Variants in SNTG1 observed in about 807,000 individuals in gnomAD.
SNTG1 encodes gamma-1-syntrophin.
A neutral mutation model predicts 74.7 loss-of-function variants in SNTG1; 39 were observed. That is an observed-to-expected ratio of 0.52 (90% CI 0.40 to 0.68). The LOEUF (loss-of-function observed/expected upper bound fraction) is 0.68. SNTG1 is among the 30% of genes least tolerant of loss of function. The probability of loss-of-function intolerance (pLI) is 0.00; values close to 1 mark genes in which losing one functional copy is unlikely to be tolerated. For synonymous variants in SNTG1, 254 were observed against 217.1 expected, an observed-to-expected ratio of 1.17 and a Z score of -1.49; for missense variants, 685 against 609.5, an observed-to-expected ratio of 1.12 and a Z score of -1.30.
chr8:50,040,690 G>A (rs559211239), intron 1 of SNTG1, among the ~76,000 whole-genome samples: 5 of 152,230 alleles, frequency 3.3e-5, no homozygotes, highest in African/African-American at 9.6e-5. Context: ...AAAGAAAGAC[G>A]TTATGTGAAC....
intron 1 of SNTG1, among the ~76,000 whole-genome samples, chr8:49,982,468 A>T (rs1205049813): frequency 1.3e-5 from 2 of 152,096 alleles, no homozygotes; most frequent in Non-Finnish European, 2.9e-5. Context: ...AACTATATAT[A>T]TTCATTATAT....
chr8:50,532,157 T>G (rs1488041642), intron 10 of SNTG1, among the ~76,000 whole-genome samples: 1 of 152,174 alleles, frequency 6.6e-6, no homozygotes, highest in Non-Finnish European at 1.5e-5. Flanking sequence ...GGATTGAACA[T>G]TCTTTTGACA....
intron 2 of SNTG1, among the ~76,000 whole-genome samples, chr8:50,268,738 C>A (rs1389309354): frequency 6.6e-6 from 1 of 151,882 alleles, no homozygotes; most frequent in Non-Finnish European, 1.5e-5. Flanking sequence ...TTCACTACGA[C>A]CTCCGCCTCC....
chr8:50,011,758 A>G lies in SNTG1; in HGVS notation c.-103+99527A>G, dbSNP rs754376122. On this transcript the variant is annotated intron_variant, in intron 1 of 18. Coordinates refer to ENST00000642720, the MANE Select transcript of SNTG1 (RefSeq NM_018967.5). ...GGGGAGGAATATATTTTGTTAAACC[A>G]TCCTTTATTTCTCATAGTGAACACT... The G allele has an allele frequency of 3.3e-5, 5 of 152,312 alleles. No individual in the cohort carries two copies. The East Asian group carries it at 9.6e-4, about 29-fold the overall frequency. The allele number at this position is 152,312 out of a possible 1,614,324, so 9.4% of individuals were successfully genotyped here. A position where few individuals can be genotyped will look rare whatever the true frequency, so the allele number is the denominator to read the frequency against.
chr8:50,586,172 A>G (rs1054247132), intron 12 of SNTG1, among the ~76,000 whole-genome samples: 1 of 152,202 alleles, frequency 6.6e-6, no homozygotes, highest in African/African-American at 2.4e-5. Context: ...TTTGCTCAGC[A>G]TTCTTTAAAA....
intron 15 of SNTG1, among the ~76,000 whole-genome samples, chr8:50,692,756 A>G (rs897590669): frequency 2.6e-5 from 4 of 152,142 alleles, no homozygotes; most frequent in Non-Finnish European, 5.9e-5. Context: ...ATTCTGGGAG[A>G]ACAACTACTC....
intron 1 of SNTG1, among the ~76,000 whole-genome samples, chr8:50,161,654 T>C (rs1001109954): frequency 3.3e-5 from 5 of 152,012 alleles, no homozygotes; most frequent in Non-Finnish European, 5.9e-5. Context: ...GGCCTAGAGA[T>C]AGAATCAGTG....
intron 2 of SNTG1, among the ~76,000 whole-genome samples, chr8:50,266,684 G>GTATATATATATATA (rs1554623724): frequency 1.5e-5 from 2 of 136,812 alleles, no homozygotes; most frequent in Admixed American, 7.3e-5. Flanking sequence ...GTGTGTGTGT[G>GTATATATATATATA]TATATATATA....
In SNTG1 at chr8:50,122,809, TCTC is replaced by T. The variant is rs1208219816; in HGVS notation, c.-102-49748_-102-49746del. ...CCAGCTAAAATACCCTAACAGTAGT[TCTC>T]CTCATAGAAAACCAAATTGTATGAG... On this transcript the variant is annotated intron_variant, in intron 1 of 18. Transcript: ENST00000642720. 2.1e-5 allele frequency among the ~76,000 whole-genome samples: 3 copies of T among 141,522 alleles called. 1 individual carries two copies. The highest frequency in any genetic ancestry group is 5.1e-5 in the African/African-American group (2 of 39,104). 92.8% of individuals were successfully genotyped at this position (141,522 alleles called of 152,430 possible).
At position 50,792,936 on chromosome 8, in the gene SNTG1, G is replaced by A. The variant is rs1043434764; in HGVS notation, c.*107G>A. ...ATAACATCACCAAGTCGACAGTGGA[G>A]GCAAATCAAAATTTCGGCAGAAAAA... On this transcript the variant is annotated 3_prime_UTR_variant, in exon 19 of 19. Coordinates refer to ENST00000642720, the MANE Select transcript of SNTG1 (RefSeq NM_018967.5). The A allele has an allele frequency of 3.1e-6, 4 of 1,290,872 alleles. No individual in the cohort carries two copies. Among genetic ancestry groups the A allele is most frequent in the Non-Finnish European group, 4.1e-6 (4 of 971,762 alleles). 80.0% of individuals were successfully genotyped at this position (1,290,872 alleles called of 1,614,324 possible).
intron 2 of SNTG1, among the ~76,000 whole-genome samples, chr8:50,244,612 T>A (rs2086309137): frequency 1.3e-5 from 2 of 152,192 alleles, no homozygotes; most frequent in African/African-American, 4.8e-5. Flanking sequence ...TCTGGTTACT[T>A]TAAATTTCAA....
intron 2 of SNTG1, among the ~76,000 whole-genome samples, chr8:50,276,408 T>TATATATAA (rs1554626128): frequency 7.5e-6 from 1 of 133,046 alleles, no homozygotes; most frequent in African/African-American, 2.8e-5. Flanking sequence ...TATATATATA[T>TATATATAA]AAATCATATA....
At chr8:50,005,023 T>C (rs1815084192) in intron 1 of SNTG1, among the ~76,000 whole-genome samples, 2 of 152,206 alleles carry the variant, frequency 1.3e-5, no homozygotes, top group African/African-American at 2.4e-5. Flanking sequence ...TACATTTTAT[T>C]TTTGTTGTTT....
chr8:50,019,335 T>C (rs1816618340), intron 1 of SNTG1, among the ~76,000 whole-genome samples: 4 of 152,070 alleles, frequency 2.6e-5, no homozygotes, highest in African/African-American at 9.6e-5. Flanking sequence ...TTGAGAGTGG[T>C]TTTCAGGGAC....
At chr8:50,221,434 TA>T (rs558192007) in intron 2 of SNTG1, among the ~76,000 whole-genome samples, 17 of 150,400 alleles carry the variant, frequency 1.1e-4, no homozygotes, top group Non-Finnish European at 1.9e-4. Flanking sequence ...AAAATATTAA[TA>T]AAAAATAGAA....
At chr8:50,338,847 A>G (rs2091233851) in intron 2 of SNTG1, among the ~76,000 whole-genome samples, 1 of 152,144 alleles carries the variant, frequency 6.6e-6, no homozygotes, top group South Asian at 2.1e-4. Context: ...GAAAGAAAAC[A>G]TGTAGGAACA....
Position 50,098,043 on chromosome 8 carries a change from A to T in SNTG1, c.-102-74518A>T, listed in dbSNP as rs2079993651. 2.6e-5 allele frequency among the ~76,000 whole-genome samples: 4 copies of T among 152,320 alleles called. No individual in the cohort carries two copies. The South Asian group carries it at 8.3e-4, about 32-fold the overall frequency. ...ACTTCCTACTTCTCCAAAATCTTATAATTGTCATTATTATTTTTCTTACAG... is the reference window on the plus strand; with the variant it reads ...ACTTCCTACTTCTCCAAAATCTTATTATTGTCATTATTATTTTTCTTACAG... On this transcript the variant is annotated intron_variant, in intron 1 of 18. Coordinates refer to ENST00000642720, the MANE Select transcript of SNTG1 (RefSeq NM_018967.5).
intron 9 of SNTG1, among the ~76,000 whole-genome samples, chr8:50,523,816 T>C (rs985153027): frequency 1.3e-5 from 2 of 152,174 alleles, no homozygotes; most frequent in African/African-American, 2.4e-5. Flanking sequence ...GCTGGATGCA[T>C]GGTTGACATA....
Position 50,530,159 on chromosome 8 carries a change from T to C in SNTG1, c.467-18T>C, listed in dbSNP as rs748626781. ...TGGCATTCTCACCAGTGGAATGTTA[T>C]GATTTTGTCTCCTGCAGGTGCTCCA... On this transcript the variant is annotated intron_variant, in intron 9 of 18. Coordinates refer to ENST00000642720, the MANE Select transcript of SNTG1 (RefSeq NM_018967.5). The C allele has an allele frequency of 4.3e-6, 7 of 1,611,588 alleles. No homozygotes were observed. The highest frequency in any genetic ancestry group is 1.1e-5 in the South Asian group (1 of 91,046).
Sources: allele counts gnomAD v4.1 joint callset (sites outside exome capture counted in the v4.1 genomes callset), GRCh38; gene constraint gnomAD v4.1.1; transcripts MANE v1.5; gene names NCBI Gene and HGNC (gene_info 2026-07-23, HGNC 2026-07-21).